DIP2C: variants seen among roughly 807,000 people sequenced by gnomAD.
DIP2C encodes the protein disco-interacting protein 2 homolog C.
DIP2C carries 33 observed loss-of-function variants against 192.4 expected under a neutral mutation model. The ratio of observed to expected loss-of-function variants is 0.17; its 90% CI spans 0.13 to 0.23. The LOEUF is 0.23. Ranked by LOEUF, DIP2C falls within the 10% of genes least tolerant of loss-of-function variation. The pLI is 1.00. For missense variants in DIP2C, 1,537 were observed against 2,110.1 expected, an observed-to-expected ratio of 0.73 and a Z score of 5.32; for synonymous variants, 979 against 864.1, an observed-to-expected ratio of 1.13 and a Z score of -2.33.
Position 584,593 on chromosome 10 carries a change from G to A in DIP2C, c.86-98063C>T, listed in dbSNP as rs1456760380. ...CCCGCGACCTGACCCCCACTCACGC[G>A]CATCACCTCTCAATCTCGGGGCCCG... On this transcript the variant is annotated intron_variant, in intron 1 of 36. Coordinates refer to ENST00000280886, the MANE Select transcript of DIP2C (RefSeq NM_014974.3). 4.2e-5 allele frequency among the ~76,000 whole-genome samples: 4 copies of A among 95,756 alleles called. No individual in the cohort carries two copies. In the East Asian group the frequency reaches 9.6e-4, roughly 23 times the overall value. 62.8% of individuals were successfully genotyped at this position (95,756 alleles called of 152,430 possible).
At chr10:482,240 G>A (rs1472954597) in intron 2 of DIP2C, among the ~76,000 whole-genome samples, 1 of 152,210 alleles carries the variant, frequency 6.6e-6, no homozygotes, top group East Asian at 1.9e-4. Context: ...GGGAGGAACT[G>A]AGACAAGTCC....
At chr10:657,679 CTGA>C (rs1856456881) in intron 1 of DIP2C, among the ~76,000 whole-genome samples, 4 of 128,616 alleles carry the variant, frequency 3.1e-5, no homozygotes, top group Admixed American at 7.6e-5. Flanking sequence ...GCCGCTGGAC[CTGA>C]TGCTGGACCT....
chr10:635,199 T>G (rs971347717), intron 1 of DIP2C, among the ~76,000 whole-genome samples: 2 of 152,210 alleles, frequency 1.3e-5, no homozygotes, highest in Non-Finnish European at 2.9e-5. Flanking sequence ...TCTGATTTAA[T>G]GTAGGTGATT....
intron 8 of DIP2C, among the ~76,000 whole-genome samples, 159 bp downstream of exon 8, chr10:413,754 G>C (rs746086762): frequency 1.5e-4 from 23 of 151,420 alleles, no homozygotes; most frequent in Non-Finnish European, 2.8e-4. Flanking sequence ...ACTGAGCTTC[G>C]TGCGTTCGGG....
intron 1 of DIP2C, among the ~76,000 whole-genome samples, chr10:571,187 A>G (rs996387392): frequency 7.2e-5 from 11 of 152,202 alleles, no homozygotes; most frequent in African/African-American, 2.7e-4. Context: ...ACAAAACAGA[A>G]AGAACCCACA....
chr10:517,864 G>C (rs1846457344), intron 1 of DIP2C, among the ~76,000 whole-genome samples: 1 of 151,582 alleles, frequency 6.6e-6, no homozygotes, highest in Admixed American at 6.6e-5. Context: ...TAACCCTCAG[G>C]CATTGTCTAA....
intron 1 of DIP2C, among the ~76,000 whole-genome samples, chr10:489,574 G>A (rs961638653): frequency 6.6e-5 from 10 of 151,456 alleles, no homozygotes; most frequent in African/African-American, 2.2e-4. Flanking sequence ...AGTGCCTGGT[G>A]CTTCCTCCAT....
At chr10:497,403 A>AC (rs1270473524) in intron 1 of DIP2C, among the ~76,000 whole-genome samples, 7 of 152,046 alleles carry the variant, frequency 4.6e-5, no homozygotes, top group African/African-American at 1.7e-4. Context: ...CCCCTCCCAC[A>AC]CCCCTCATTA....
chr10:424,125 A>G (rs1387097644), intron 4 of DIP2C, among the ~76,000 whole-genome samples: 1 of 152,170 alleles, frequency 6.6e-6, no homozygotes, highest in African/African-American at 2.4e-5. Flanking sequence ...CCTCCAGGTG[A>G]GTTATGAGAG....
chr10:349,180 A>C (rs1958666283), intron 25 of DIP2C, 151 bp downstream of exon 25: 4 of 1,148,746 alleles, frequency 3.5e-6, no homozygotes, highest in Non-Finnish European at 4.8e-6. Context: ...AGCCAGACAC[A>C]AACGGGCTGG....
chr10:343,333 C>T (rs1052435486), intron 28 of DIP2C, among the ~76,000 whole-genome samples: 3 of 152,152 alleles, frequency 2.0e-5, no homozygotes, highest in Non-Finnish European at 2.9e-5. Flanking sequence ...AGAATGTCAC[C>T]AGAGCTAAAC....
intron 35 of DIP2C, among the ~76,000 whole-genome samples, chr10:282,840 G>A (rs1425599810): frequency 6.6e-6 from 1 of 152,228 alleles, no homozygotes; most frequent in Non-Finnish European, 1.5e-5. Flanking sequence ...CCTGACAGGG[G>A]CAGACCCAGT....
intron 1 of DIP2C, among the ~76,000 whole-genome samples, chr10:496,441 C>T (rs1471792765): frequency 2.0e-5 from 3 of 150,914 alleles, no homozygotes; most frequent in Admixed American, 6.6e-5. Flanking sequence ...AAAATCTGTA[C>T]ATTACTCGCA....
At chr10:354,896 C>G (rs190654718) in intron 24 of DIP2C, among the ~76,000 whole-genome samples, 1 of 151,794 alleles carries the variant, frequency 6.6e-6, no homozygotes, top group Admixed American at 6.6e-5. Flanking sequence ...AGAAACACTA[C>G]TGGGAGAGGA....
chr10:550,626 G>T (rs762323791), intron 1 of DIP2C, among the ~76,000 whole-genome samples: 1 of 152,102 alleles, frequency 6.6e-6, no homozygotes, highest in African/African-American at 2.4e-5. Flanking sequence ...ACAAATAACC[G>T]CAGAGCGTCT....
rs201413669 is a variant in DIP2C, at chr10:390,050, G to A, written c.1538C>T (p.Thr513Met). The A allele has an allele frequency of 1.7e-4, 281 of 1,614,114 alleles. No homozygotes were observed. Among genetic ancestry groups the A allele is most frequent in the African/African-American group, 2.4e-4 (18 of 75,034 alleles). The part of the protein sequence containing the change: ...KDGSVLGVTV[T>M]RTALLTHCQA... ...GCAGTGTGTCAGCAGCGCAGTCCTC[G>A]TCACCGTCACACCCAGCACACTGCC... The change falls in exon 13 of 37, where the codon ACG becomes ATG. Residue 513 changes from threonine (T) to methionine (M), a missense_variant. Thr to Met is a moderately conservative substitution (Grantham distance 81). This residue lies in a region of DIP2C where 677 missense variants were observed against 989.9 expected (regional missense o/e 0.68). Transcript: ENST00000280886.
intron 1 of DIP2C, among the ~76,000 whole-genome samples, chr10:555,202 T>C (rs779263496): frequency 0.018 from 1,627 of 89,200 alleles, 9 homozygotes; most frequent in Non-Finnish European, 0.024. Flanking sequence ...TTTTTTTTTT[T>C]CCCAAGCCAT....
At position 439,051 on chromosome 10, in the gene DIP2C, T is replaced by G. The variant is rs146058000; in HGVS notation, c.394+1820A>C. 4.4e-3 allele frequency among the ~76,000 whole-genome samples: 675 copies of G among 152,270 alleles called. 7 individuals are homozygous for G. Among genetic ancestry groups the G allele is most frequent in the African/African-American group, 0.015 (631 of 41,552 alleles). Reference sequence around the variant, plus strand: ...GCATTTTGGTACATTTTGCCATGTTTTCCGGGCTGGTCTTGAACTCTTGGG... The same window carrying G: ...GCATTTTGGTACATTTTGCCATGTTGTCCGGGCTGGTCTTGAACTCTTGGG... On this transcript the variant is annotated intron_variant, in intron 4 of 36. Transcript: ENST00000280886.
intron 3 of DIP2C, among the ~76,000 whole-genome samples, chr10:469,359 G>C (rs4881327): frequency 0.86 from 126,922 of 147,754 alleles, 56,741 homozygotes; most frequent in Non-Finnish European, 0.97. Context: ...CTCTGTCGCC[G>C]AGGCTGGAGT....
Sources: allele counts gnomAD v4.1 joint callset (sites outside exome capture counted in the v4.1 genomes callset), GRCh38; gene constraint gnomAD v4.1.1; regional missense constraint gnomAD v4.1.1; transcripts MANE v1.5; gene names NCBI Gene and HGNC (gene_info 2026-07-23, HGNC 2026-07-21).